The following MID2 variants were observed in gnomAD, a reference collection of about 807,000 sequenced individuals.
MID2 encodes probable E3 ubiquitin-protein ligase MID2.
In MID2, 13 loss-of-function variants were observed where a neutral mutation model predicts 46.1. The observed-to-expected ratio is 0.28, with a 90% CI of 0.18 to 0.45. MID2 has a LOEUF of 0.45. Ranked by LOEUF, MID2 falls within the 20% of genes least tolerant of loss-of-function variation. The pLI is 1.00. For missense variants in MID2, 431 were observed against 575.4 expected, an observed-to-expected ratio of 0.75 and a Z score of 2.57; for synonymous variants, 199 against 212.3, an observed-to-expected ratio of 0.94 and a Z score of 0.55.
intron 1 of MID2, among the ~76,000 whole-genome samples, chrX:107,838,397 G>C (rs1397784004): frequency 8.9e-6 from 1 of 111,867 alleles, no homozygotes; most frequent in Non-Finnish European, 1.9e-5. Context: ...ATCTGTATGG[G>C]TGAACGTTGA....
At chrX:107,908,874 A>C (rs1419455153) in intron 5 of MID2, among the ~76,000 whole-genome samples, 8 of 111,150 alleles carry the variant, frequency 7.2e-5, no homozygotes, top group African/African-American at 2.3e-4. Flanking sequence ...AAAACAAAAA[A>C]AGATATTTAG....
chrX:107,895,955 T>C (rs191892393), intron 3 of MID2: 45 of 112,392 alleles, frequency 4.0e-4, no homozygotes, highest in African/African-American at 1.3e-3. Flanking sequence ...TCTGACGAGA[T>C]AGAAAGGAGG....
chrX:107,865,857 G>A (rs948163487), intron 3 of MID2, among the ~76,000 whole-genome samples: 3 of 112,553 alleles, frequency 2.7e-5, no homozygotes, highest in African/African-American at 9.7e-5. Flanking sequence ...TCCATCCTGA[G>A]CTCCCTCATC....
At chrX:107,915,269 C>T (rs1932949238) in intron 5 of MID2, among the ~76,000 whole-genome samples, 1 of 111,895 alleles carries the variant, frequency 8.9e-6, no homozygotes, top group Admixed American at 9.4e-5. Flanking sequence ...TATAAAAGAT[C>T]ACATAGGTCA....
intron 7 of MID2, 53 bp downstream of exon 7, chrX:107,917,792 T>C (rs1932997709): frequency 6.5e-6 from 7 of 1,073,433 alleles, no homozygotes; most frequent in Non-Finnish European, 9.0e-6. Context: ...TCATAGACAG[T>C]GTAAGCTCCC....
intron 5 of MID2, among the ~76,000 whole-genome samples, chrX:107,907,841 A>G (rs1345764616): frequency 1.8e-5 from 2 of 112,354 alleles, no homozygotes; most frequent in East Asian, 5.6e-4. Context: ...AGAAATAGCA[A>G]TCTCCTCATT....
chrX:107,886,000 T>G (rs1220088716), intron 3 of MID2, among the ~76,000 whole-genome samples: 24 of 112,178 alleles, frequency 2.1e-4, no homozygotes, highest in African/African-American at 6.8e-4. Flanking sequence ...TTGTTTGAGT[T>G]CATTGTAGAT....
intron 2 of MID2, among the ~76,000 whole-genome samples, chrX:107,845,498 C>CAT (rs1931442063): frequency 1.1e-5 from 1 of 87,978 alleles, no homozygotes; most frequent in African/African-American, 6.5e-5. Flanking sequence ...AAGTAACACA[C>CAT]ACACACACAC....
At chrX:107,859,194 A>T (rs1049279651) in intron 3 of MID2, among the ~76,000 whole-genome samples, 2 of 111,902 alleles carry the variant, frequency 1.8e-5, no homozygotes, top group African/African-American at 6.5e-5. Flanking sequence ...CAAGCATAAA[A>T]TATAAATATT....
At chrX:107,832,584 G>C (rs1399393503) in intron 1 of MID2, among the ~76,000 whole-genome samples, 1 of 111,606 alleles carries the variant, frequency 9.0e-6, no homozygotes, top group Non-Finnish European at 1.9e-5. Context: ...AGATGAAAAA[G>C]CTGTGGCCCA....
chrX:107,866,470 CACACACAA>C (rs1397323274), intron 3 of MID2, among the ~76,000 whole-genome samples: 7 of 85,314 alleles, frequency 8.2e-5, no homozygotes, highest in South Asian at 5.3e-4. Flanking sequence ...CACACACACA[CACACACAA>C]CACTGACCTA....
chrX:107,924,709 G>C lies in MID2; in HGVS notation c.1597+205G>C, dbSNP rs1364727284. On this transcript the variant is annotated intron_variant, in intron 8 of 9. Coordinates refer to ENST00000262843, the MANE Select transcript of MID2 (RefSeq NM_012216.4). ...ACTCAGAGATATGCACAAAAAGACT[G>C]TTAGCTTGGGAGGATGTTAGTGAAG... Among the ~76,000 whole-genome samples the C allele has an allele frequency of 9.9e-5, 11 of 111,155 alleles. No individual in the cohort carries two copies. In the Admixed American group the frequency reaches 1.1e-3, roughly 11 times the overall value.
Position 107,826,212 on chromosome X carries a change from G to T in MID2, c.-215G>T. On this transcript the variant is annotated 5_prime_UTR_variant, in exon 1 of 10. Transcript: ENST00000262843. ...CGCGGCCGCCGTGCTGTCCCCTGCG[G>T]GGCGCGCGGGCTGGCGGATCCCGGC... 6.2e-6 allele frequency: 2 copies of T among 320,394 alleles called. No individual in the cohort carries two copies. The highest frequency in any genetic ancestry group is 1.0e-5 in the Non-Finnish European group (2 of 195,588). 26.4% of individuals were successfully genotyped at this position (320,394 alleles called of 1,213,427 possible).
Position 107,931,524 on chromosome X carries a change from T to C in MID2, c.*4451T>C, listed in dbSNP as rs1320946897. ...AGCTCTGGACCAATAGTGTCTCTCC[T>C]AGTGACAGAAATATGAGCATCTGTG... On this transcript the variant is annotated 3_prime_UTR_variant, in exon 10 of 10. Transcript: ENST00000262843. Among the ~76,000 whole-genome samples, 1 of 112,208 alleles carries C rather than the reference T, an allele frequency of 8.9e-6. No individual in the cohort carries two copies. Among genetic ancestry groups the C allele is most frequent in the Non-Finnish European group, 1.9e-5 (1 of 53,246 alleles).
At chrX:107,917,119 C>G (rs906757093) in intron 6 of MID2, among the ~76,000 whole-genome samples, 5 of 110,455 alleles carry the variant, frequency 4.5e-5, no homozygotes, top group African/African-American at 1.7e-4. Flanking sequence ...CCAGCCTGGG[C>G]AACAAGAGCA....
In MID2 at chrX:107,862,020, T is replaced by G. The variant is rs147125268; in HGVS notation, c.816+7316T>G. On this transcript the variant is annotated intron_variant, in intron 3 of 9. Coordinates refer to ENST00000262843, the MANE Select transcript of MID2 (RefSeq NM_012216.4). Reference sequence around the variant, plus strand: ...CACATACTTTTTCTGAGCCTCAGTTTCACCATCTATAAAACTTGGACTAAT... The same window carrying G: ...CACATACTTTTTCTGAGCCTCAGTTGCACCATCTATAAAACTTGGACTAAT... Among the ~76,000 whole-genome samples the G allele has an allele frequency of 1.5e-3, 172 of 112,220 alleles. 1 individual carries two copies. Among genetic ancestry groups the G allele is most frequent in the African/African-American group, 5.4e-3 (166 of 30,895 alleles).
chrX:107,890,122 A>G (rs1932564545), intron 3 of MID2, among the ~76,000 whole-genome samples: 1 of 111,965 alleles, frequency 8.9e-6, no homozygotes, highest in African/African-American at 3.3e-5. Flanking sequence ...TCAACTCATC[A>G]AATTCTTTCT....
At chrX:107,905,094 A>G (rs779629491) in intron 4 of MID2, among the ~76,000 whole-genome samples, 1 of 112,358 alleles carries the variant, frequency 8.9e-6, no homozygotes, top group Admixed American at 9.4e-5. Flanking sequence ...CAAAATGTAA[A>G]CAAACAAAAA....
intron 3 of MID2, among the ~76,000 whole-genome samples, chrX:107,894,258 G>T (rs961801715): frequency 1.8e-5 from 2 of 110,720 alleles, no homozygotes; most frequent in Admixed American, 1.9e-4. Flanking sequence ...AAGGATATTT[G>T]GATAAACATT....
Sources: gnomAD v4.1 joint callset for allele counts (sites outside exome capture counted in the v4.1 genomes callset) on GRCh38, gnomAD v4.1.1 for gene constraint, MANE v1.5 for transcripts, NCBI Gene and HGNC (gene_info 2026-07-23, HGNC 2026-07-21) for gene names.